The following CTNNBL1 variants were observed in gnomAD, a reference collection of about 807,000 sequenced individuals.
CTNNBL1 encodes catenin beta like 1, also known as beta-catenin-like protein 1.
Under a neutral mutation model 72.7 loss-of-function variants are expected in CTNNBL1, and 31 were observed. The ratio of observed to expected loss-of-function variants is 0.43; its 90% confidence interval spans 0.32 to 0.58. CTNNBL1 has a LOEUF of 0.58. Among genes scored for constraint, CTNNBL1 ranks in the 20% least tolerant of loss-of-function variants. The pLI, the probability that CTNNBL1 is intolerant of heterozygous loss-of-function variation, is 0.08. For missense variants in CTNNBL1, 534 were observed against 725.1 expected (o/e 0.74, Z 3.03); for synonymous variants, 240 against 267.3 (o/e 0.90, Z 1.00).
At chr20:37,866,918 C>T (rs1403769155) in intron 15 of CTNNBL1, among the ~76,000 whole-genome samples, 2 of 152,120 alleles carry the variant, frequency 1.3e-5, no homozygotes, top group Admixed American at 6.5e-5. Flanking sequence ...AGCACACAGG[C>T]TCGACTTCCC....
intron 5 of CTNNBL1, 145 bp downstream of exon 5, chr20:37,757,801 AAGT>A: frequency 1.6e-6 from 1 of 617,118 alleles, no homozygotes; most frequent in Non-Finnish European, 2.9e-6. Context: ...GAGAGTAAAA[AAGT>A]AGAGATGTGG....
At chr20:37,824,384 C>G (rs778515684) in intron 11 of CTNNBL1, among the ~76,000 whole-genome samples, 1 of 152,240 alleles carries the variant, frequency 6.6e-6, no homozygotes, top group South Asian at 2.1e-4. Flanking sequence ...GGCACTAGGA[C>G]CTTCCTCACT....
At position 37,710,822 on chromosome 20, in the gene CTNNBL1, G is replaced by C. The variant is rs1024761487; in HGVS notation, c.30+16670G>C. Reference sequence around the variant, plus strand: ...CAGGCCCGTGAAATCTAATTATATCGATCACCTGAGACCCTGTATGTTTGT... The same window carrying C: ...CAGGCCCGTGAAATCTAATTATATCCATCACCTGAGACCCTGTATGTTTGT... On this transcript the variant is annotated intron_variant, in intron 1 of 15. Transcript: ENST00000361383. 2.0e-5 allele frequency among the ~76,000 whole-genome samples: 3 copies of C among 151,728 alleles called. No homozygotes were observed. The East Asian group carries it at 5.8e-4, about 29-fold the overall frequency.
At chr20:37,821,073 T>C (rs555355430) in intron 11 of CTNNBL1, among the ~76,000 whole-genome samples, 14 of 152,294 alleles carry the variant, frequency 9.2e-5, no homozygotes, top group African/African-American at 3.1e-4. Context: ...GTGTTACTCT[T>C]TTCTCTCCTC....
rs117116002 is a variant in CTNNBL1 at position 37,730,287 on chromosome 20, C to T, written c.31-2592C>T. On this transcript the variant is annotated intron_variant, in intron 1 of 15. Transcript: ENST00000361383. ...ACATACCACATTGCACCAAGCATAT[C>T]GCTGGTGGGTGTGATTACTATATCA... 2.8e-3 allele frequency among the ~76,000 whole-genome samples: 427 copies of T among 152,268 alleles called. 5 individuals carry two copies. The highest frequency in any genetic ancestry group is 0.017 in the East Asian group (88 of 5,182).
rs539164223 is a variant in CTNNBL1, at chr20:37,741,179, C to T, written c.326+3695C>T. On this transcript the variant is annotated intron_variant, in intron 3 of 15. Transcript: ENST00000361383. ...TTAATATGTTGCTCTATTGCTTTCC[C>T]GTCACCTCTAACTTTATCCTTTCCC... Among the ~76,000 whole-genome samples the T allele has an allele frequency of 1.1e-4, 17 of 152,294 alleles. 1 individual carries two copies. The South Asian group carries it at 2.5e-3, about 22-fold the overall frequency.
intron 3 of CTNNBL1, among the ~76,000 whole-genome samples, chr20:37,743,118 C>T (rs942546761): frequency 6.6e-6 from 1 of 151,810 alleles, no homozygotes; most frequent in Non-Finnish European, 1.5e-5. Context: ...TCACCCAAAT[C>T]ACCAGATCTT....
At chr20:37,779,962 A>G (rs879690474) in intron 10 of CTNNBL1, among the ~76,000 whole-genome samples, 1 of 152,048 alleles carries the variant, frequency 6.6e-6, no homozygotes, top group Non-Finnish European at 1.5e-5. Context: ...GGGGAGAGGA[A>G]GCTTATGTTG....
intron 5 of CTNNBL1, 98 bp downstream of exon 5, chr20:37,757,754 G>A (rs868558535): frequency 3.7e-6 from 3 of 804,186 alleles, no homozygotes; most frequent in Non-Finnish European, 6.3e-6. Flanking sequence ...GGAACTCCAC[G>A]GCAAGGCTGG....
intron 13 of CTNNBL1, among the ~76,000 whole-genome samples, chr20:37,851,299 C>T (rs2072394890): frequency 6.6e-6 from 1 of 152,150 alleles, no homozygotes; most frequent in Non-Finnish European, 1.5e-5. Flanking sequence ...AAAACAAAAC[C>T]TACCAGAGTA....
intron 10 of CTNNBL1, among the ~76,000 whole-genome samples, chr20:37,782,429 CTTTA>C (rs1177394168): frequency 6.6e-6 from 1 of 152,116 alleles, no homozygotes; most frequent in Non-Finnish European, 1.5e-5. Context: ...TTTTTGTCTA[CTTTA>C]TTGAGGCATA....
At chr20:37,838,318 G>C (rs984200969) in intron 11 of CTNNBL1, among the ~76,000 whole-genome samples, 1 of 152,178 alleles carries the variant, frequency 6.6e-6, no homozygotes, top group Non-Finnish European at 1.5e-5. Context: ...CTTACTAGTA[G>C]GCTATTGACT....
chr20:37,805,685 CTG>C (rs2071953832), intron 11 of CTNNBL1, among the ~76,000 whole-genome samples: 1 of 152,184 alleles, frequency 6.6e-6, no homozygotes, highest in African/African-American at 2.4e-5. Flanking sequence ...ACAGGAACCA[CTG>C]TGTCCGGCCT....
At chr20:37,751,808 C>T (rs752486827) in intron 4 of CTNNBL1, 3 of 152,174 alleles carry the variant, frequency 2.0e-5, no homozygotes, top group African/African-American at 4.8e-5. Context: ...ATTGCTGTCC[C>T]GTAAGCACTG....
At chr20:37,702,728 T>G (rs1412089525) in intron 1 of CTNNBL1, among the ~76,000 whole-genome samples, 1 of 152,196 alleles carries the variant, frequency 6.6e-6, no homozygotes, top group Non-Finnish European at 1.5e-5. Flanking sequence ...TCTGGCCCAT[T>G]CTTCTCACAC....
At chr20:37,816,611 T>C (rs967406153) in intron 11 of CTNNBL1, among the ~76,000 whole-genome samples, 2 of 152,172 alleles carry the variant, frequency 1.3e-5, no homozygotes, top group Non-Finnish European at 2.9e-5. Flanking sequence ...CATGGTAGTG[T>C]TGTGGTGTGT....
At chr20:37,853,909 C>T (rs1221969866) in intron 13 of CTNNBL1, among the ~76,000 whole-genome samples, 1 of 152,242 alleles carries the variant, frequency 6.6e-6, no homozygotes. Flanking sequence ...GTCAACTTCA[C>T]TGCATGCTGG....
intron 1 of CTNNBL1, among the ~76,000 whole-genome samples, chr20:37,707,007 AT>A (rs796312007): frequency 0.011 from 1,638 of 149,792 alleles, 24 homozygotes; most frequent in African/African-American, 0.038. Context: ...TTTGGAAGAA[AT>A]TTTTTTTTTT....
intron 1 of CTNNBL1, among the ~76,000 whole-genome samples, chr20:37,698,483 T>C (rs2122535964): frequency 6.6e-6 from 1 of 152,264 alleles, no homozygotes; most frequent in East Asian, 1.9e-4. Flanking sequence ...AGAATCATGG[T>C]CTAAGGCTTG....
Sources: allele counts gnomAD v4.1 joint callset (sites outside exome capture counted in the v4.1 genomes callset), GRCh38; gene constraint gnomAD v4.1.1; transcripts MANE v1.5; gene names NCBI Gene and HGNC (gene_info 2026-07-23, HGNC 2026-07-21).